Variants in RPTOR observed in about 807,000 individuals in gnomAD.
RPTOR encodes regulatory associated protein of MTOR complex 1, also known as regulatory-associated protein of mTOR.
RPTOR carries 21 observed loss-of-function variants against 169.9 expected under a neutral mutation model. The observed-to-expected ratio is 0.12, with a 90% confidence interval of 0.09 to 0.18. RPTOR has a LOEUF of 0.18. Among genes scored for constraint, RPTOR ranks in the 10% least tolerant of loss-of-function variants. The probability of loss-of-function intolerance (pLI) is 1.00; values close to 1 mark genes in which losing one functional copy is unlikely to be tolerated. For synonymous variants in RPTOR, 732 were observed against 753.2 expected (o/e 0.97, Z 0.46); for missense variants, 1,133 against 1,855.9 (o/e 0.61, Z 7.16).
chr17:80,581,872 G>A (rs768910104), intron 1 of RPTOR, among the ~76,000 whole-genome samples: 12 of 152,254 alleles, frequency 7.9e-5, no homozygotes, highest in Non-Finnish European at 1.0e-4. Flanking sequence ...GCACACCTGA[G>A]AAATGGTGGC....
chr17:80,827,124 T>C (rs536698858), intron 9 of RPTOR, among the ~76,000 whole-genome samples: 1 of 152,188 alleles, frequency 6.6e-6, no homozygotes, highest in South Asian at 2.1e-4. Flanking sequence ...TTGAAGCTGA[T>C]TTGTGCTGAA....
At chr17:80,850,061 G>C (rs1251276295) in intron 11 of RPTOR, among the ~76,000 whole-genome samples, 1 of 152,170 alleles carries the variant, frequency 6.6e-6, no homozygotes, top group Non-Finnish European at 1.5e-5. Flanking sequence ...TTATTTACTT[G>C]GCCCTTTTTC....
At chr17:80,625,859 C>T (rs2065390089) in intron 2 of RPTOR, 66 bp downstream of exon 2, 8 of 1,125,976 alleles carry the variant, frequency 7.1e-6, no homozygotes, top group East Asian at 4.7e-5. Context: ...GGGCGGGGCT[C>T]GCCAAGCCTG....
rs1441841406 is a variant in RPTOR, at chr17:80,949,539, C to T, written c.3362C>T (p.Thr1121Met). Residue 1121 changes from threonine (T) to methionine (M), a missense_variant, in exon 28 of 34, where the codon ACG becomes ATG. By Grantham distance (81) the Thr-to-Met change is moderately conservative. Transcript: ENST00000306801. ...CAGGGGCTCTCGGACATGCTGCCAA[C>T]GACGCGAGGTGGGTCCGCCCGGCTC... ...AWQGLSDMLPTTRGAGMVVDW... is the reference protein window; with the variant it reads ...AWQGLSDMLPMTRGAGMVVDW... 23 of 1,613,574 alleles carry T rather than the reference C, an allele frequency of 1.4e-5. No homozygotes were observed. The highest frequency in any genetic ancestry group is 6.7e-5 in the Admixed American group (4 of 60,008).
chr17:80,786,055 A>G (rs2066988206), intron 6 of RPTOR, among the ~76,000 whole-genome samples: 1 of 152,118 alleles, frequency 6.6e-6, no homozygotes, highest in Non-Finnish European at 1.5e-5. Flanking sequence ...CCCCAGGGAT[A>G]CCCAGGGATG....
chr17:80,904,472 T>C (rs183574971), intron 20 of RPTOR, among the ~76,000 whole-genome samples: 1,647 of 152,272 alleles, frequency 0.011, 7 homozygotes, highest in Non-Finnish European at 0.013. Context: ...TCTGAGTAAA[T>C]TTCCCCGCCG....
rs923157853 is a variant in RPTOR at position 80,636,307 on chromosome 17, C to T, written c.266-7421C>T. Among the ~76,000 whole-genome samples the T allele has an allele frequency of 3.9e-5, 6 of 152,268 alleles. No individual in the cohort carries two copies. In the South Asian group the frequency reaches 1.2e-3, roughly 32 times the overall value. On this transcript the variant is annotated intron_variant, in intron 2 of 33. Coordinates refer to ENST00000306801, the MANE Select transcript of RPTOR (RefSeq NM_020761.3). ...AACACCTCAAACACCCCGACCCCTA[C>T]GTCACAGCGCCTCAAGCATCCCGAC...
At chr17:80,763,670 T>C (rs1399989788) in intron 6 of RPTOR, among the ~76,000 whole-genome samples, 2 of 152,236 alleles carry the variant, frequency 1.3e-5, no homozygotes, top group African/African-American at 4.8e-5. Context: ...TGTGGACATA[T>C]GTGGACCATT....
intron 1 of RPTOR, among the ~76,000 whole-genome samples, chr17:80,548,850 G>T (rs1172123528): frequency 6.6e-6 from 1 of 152,194 alleles, no homozygotes; most frequent in East Asian, 1.9e-4. Context: ...CTACTTCCTG[G>T]TGGCCACTGA....
chr17:80,764,150 ATTTTATTTTATTTTATTTTATT>A (rs1567899646), intron 6 of RPTOR, among the ~76,000 whole-genome samples: 4 of 129,850 alleles, frequency 3.1e-5, no homozygotes, highest in Non-Finnish European at 3.3e-5. Context: ...ATTTTATTTT[ATTTTATTTTATTTTATTTTATT>A]TTATTATTAT....
chr17:80,879,343 C>T (rs1036616769), intron 13 of RPTOR, among the ~76,000 whole-genome samples: 15 of 150,776 alleles, frequency 9.9e-5, no homozygotes, highest in Admixed American at 5.9e-4. Context: ...TCCTGCCCAA[C>T]GCCACCTGCC....
intron 28 of RPTOR, among the ~76,000 whole-genome samples, chr17:80,949,777 C>T (rs1049085412): frequency 6.6e-6 from 1 of 152,252 alleles, no homozygotes; most frequent in African/African-American, 2.4e-5. Flanking sequence ...CTCAGCCACT[C>T]GTGGGTGCCC....
chr17:80,872,044 G>T (rs936953467), intron 13 of RPTOR, among the ~76,000 whole-genome samples: 10 of 152,174 alleles, frequency 6.6e-5, no homozygotes, highest in African/African-American at 2.4e-4. Flanking sequence ...TTGCCTTGAT[G>T]GTCCATGGAA....
intron 9 of RPTOR, among the ~76,000 whole-genome samples, chr17:80,832,894 A>G (rs2067521519): frequency 6.6e-6 from 1 of 152,252 alleles, no homozygotes; most frequent in Admixed American, 6.5e-5. Context: ...AAGAGGAAAG[A>G]GGGAACAAAG....
At position 80,891,887 on chromosome 17, in the gene RPTOR, T is replaced by C. The variant is rs760498553; in HGVS notation, c.2101+50T>C. On this transcript the variant is annotated intron_variant, in intron 18 of 33. Coordinates refer to ENST00000306801, the MANE Select transcript of RPTOR (RefSeq NM_020761.3). ...CGCAGAGCACCTCGCCTGGCGGTTC[T>C]AGTGCAGGCCGCGGCCCAGTCTTGC... 5.2e-6 allele frequency: 7 copies of C among 1,336,370 alleles called. No homozygotes were observed. The African/African-American group carries it at 1.0e-4, about 19-fold the overall frequency. The allele number at this position is 1,336,370 out of a possible 1,614,324, so 82.8% of individuals were successfully genotyped here.
chr17:80,771,423 G>A (rs1422320153), intron 6 of RPTOR, among the ~76,000 whole-genome samples: 2 of 152,288 alleles, frequency 1.3e-5, no homozygotes, highest in African/African-American at 4.8e-5. Flanking sequence ...CCCGCCGCCC[G>A]CTGGCCCTCC....
intron 1 of RPTOR, among the ~76,000 whole-genome samples, chr17:80,602,338 ACCTCCCG>A (rs2065194095): frequency 1.6e-5 from 1 of 64,354 alleles, no homozygotes; most frequent in African/African-American, 8.8e-5. Context: ...GGCGCCCCTC[ACCTCCCG>A]GACGGGGCGG....
At chr17:80,701,970 C>T (rs375930621) in intron 3 of RPTOR, among the ~76,000 whole-genome samples, 8 of 152,122 alleles carry the variant, frequency 5.3e-5, no homozygotes, top group East Asian at 1.9e-4. Flanking sequence ...GGGACCATGC[C>T]GCCACGAGGG....
intron 7 of RPTOR, among the ~76,000 whole-genome samples, chr17:80,808,196 A>C: frequency 6.6e-6 from 1 of 152,024 alleles, no homozygotes; most frequent in African/African-American, 2.4e-5. Flanking sequence ...AGGCTGAGGC[A>C]TGAGAATTGC....
Sources: allele counts gnomAD v4.1 joint callset (sites outside exome capture counted in the v4.1 genomes callset), GRCh38; gene constraint gnomAD v4.1.1; transcripts MANE v1.5; gene names NCBI Gene and HGNC (gene_info 2026-07-23, HGNC 2026-07-21).